The following FLI1 variants were observed in gnomAD, a reference collection of about 807,000 sequenced individuals.
FLI1 encodes the protein Fli-1 proto-oncogene, ETS transcription factor.
In FLI1, 13 loss-of-function variants were observed where a neutral mutation model predicts 53.1. That is an observed-to-expected ratio of 0.24 (90% CI 0.16 to 0.39). FLI1 has a LOEUF of 0.39. FLI1 is among the 10% of genes least tolerant of loss of function. FLI1 has a pLI of 1.00. For missense variants in FLI1, 424 were observed against 600.5 expected (o/e 0.71, Z 3.07); for synonymous variants, 244 against 236.7 (o/e 1.03, Z -0.28).
chr11:128,758,827 A>G (rs1473212754), intron 2 of FLI1, among the ~76,000 whole-genome samples: 3 of 152,150 alleles, frequency 2.0e-5, no homozygotes, highest in Non-Finnish European at 4.4e-5. Context: ...GGCACCTGGA[A>G]GGCGTGCATG....
At chr11:128,723,754 T>A (rs1939352498) in intron 1 of FLI1, among the ~76,000 whole-genome samples, 1 of 152,128 alleles carries the variant, frequency 6.6e-6, no homozygotes, top group Non-Finnish European at 1.5e-5. Context: ...CTGTCTTTGA[T>A]GAATTTAAGA....
intron 2 of FLI1, among the ~76,000 whole-genome samples, chr11:128,767,680 G>A (rs974596021): frequency 2.6e-5 from 4 of 152,202 alleles, no homozygotes; most frequent in African/African-American, 9.7e-5. Flanking sequence ...GCAGTCAGGG[G>A]GCGCAGGCCA....
intron 1 of FLI1, among the ~76,000 whole-genome samples, chr11:128,715,002 C>T (rs1319550524): frequency 2.0e-5 from 3 of 152,246 alleles, no homozygotes; most frequent in East Asian, 1.9e-4. Context: ...CTACCGCACC[C>T]GGCCCTTGAA....
chr11:128,766,448 T>C (rs1458189651), intron 2 of FLI1, among the ~76,000 whole-genome samples: 3 of 152,206 alleles, frequency 2.0e-5, no homozygotes, highest in Non-Finnish European at 4.4e-5. Context: ...TTTCAGCCCA[T>C]GTTTCCCTCT....
intron 5 of FLI1, among the ~76,000 whole-genome samples, chr11:128,795,427 C>T (rs1942404566): frequency 6.6e-6 from 1 of 151,956 alleles, no homozygotes; most frequent in Admixed American, 6.6e-5. Context: ...AATCCTGCTC[C>T]AATAAAGGAA....
intron 3 of FLI1, 39 bp downstream of exon 3, chr11:128,768,311 C>T: frequency 9.9e-6 from 15 of 1,520,230 alleles, no homozygotes; most frequent in Non-Finnish European, 1.3e-5. Context: ...CCATTCACTT[C>T]CCCACTCTCT....
intron 7 of FLI1, among the ~76,000 whole-genome samples, chr11:128,808,931 A>C (rs1277141344): frequency 6.6e-6 from 1 of 152,320 alleles, no homozygotes; most frequent in Non-Finnish European, 1.5e-5. Context: ...AATAAGAAAA[A>C]GTAATCCTGT....
At chr11:128,694,859 A>G (rs891735484) in intron 1 of FLI1, among the ~76,000 whole-genome samples, 3 of 152,044 alleles carry the variant, frequency 2.0e-5, no homozygotes, top group African/African-American at 7.2e-5. Flanking sequence ...TTTACATGTC[A>G]GCGCTTTCCC....
At chr11:128,788,252 C>A (rs571931318) in intron 5 of FLI1, among the ~76,000 whole-genome samples, 1 of 152,116 alleles carries the variant, frequency 6.6e-6, no homozygotes, top group East Asian at 1.9e-4. Context: ...GGCAGACCAC[C>A]TGAGGTCAGA....
chr11:128,754,235 ATGTGTGTGTGTGTGTGTGTGTGTG>A (rs57171401), intron 1 of FLI1, among the ~76,000 whole-genome samples: 2 of 145,682 alleles, frequency 1.4e-5, no homozygotes, highest in African/African-American at 5.2e-5. Context: ...TAGAAGGGGG[ATGTGTGTGTGTGTGTGTGTGTGTG>A]TGTGTGTGTG....
At chr11:128,748,300 AG>A in intron 1 of FLI1, 3 of 975,964 alleles carry the variant, frequency 3.1e-6, no homozygotes, top group Non-Finnish European at 3.7e-6. Flanking sequence ...TGTAAGTGAA[AG>A]GGGAAAGGCA....
intron 1 of FLI1, among the ~76,000 whole-genome samples, chr11:128,712,500 G>T (rs768437980): frequency 1.3e-5 from 2 of 152,196 alleles, no homozygotes; most frequent in African/African-American, 4.8e-5. Context: ...AGATATACCC[G>T]AGATGGGGCA....
intron 5 of FLI1, among the ~76,000 whole-genome samples, chr11:128,800,788 A>G (rs1397520172): frequency 1.3e-5 from 2 of 152,192 alleles, no homozygotes; most frequent in Non-Finnish European, 2.9e-5. Flanking sequence ...ATGGCTGGCA[A>G]TGTCTTCATT....
chr11:128,799,048 TA>T lies in FLI1; in HGVS notation c.656-6317del, dbSNP rs1309569703. 6.9e-3 allele frequency among the ~76,000 whole-genome samples: 972 copies of T among 141,776 alleles called. 32 individuals are homozygous for T. The highest frequency in any genetic ancestry group is 0.02 in the African/African-American group (784 of 39,166). 93.0% of individuals were successfully genotyped at this position (141,776 alleles called of 152,430 possible). A position where few individuals can be genotyped will look rare whatever the true frequency, so the allele number is the denominator to read the frequency against. On this transcript the variant is annotated intron_variant, in intron 5 of 8. Coordinates refer to ENST00000527786, the MANE Select transcript of FLI1 (RefSeq NM_002017.5). ...TTATTATTATTATTATTATTATTAT[TA>T]TTATTTTGCTTTGGAGACAGGATCT...
intron 1 of FLI1, among the ~76,000 whole-genome samples, chr11:128,700,509 A>G (rs1244434738): frequency 6.6e-6 from 1 of 152,222 alleles, no homozygotes; most frequent in Non-Finnish European, 1.5e-5. Context: ...AGGAAAGTGT[A>G]CAGGTGATGG....
rs765884690 is a variant in FLI1 at position 128,781,955 on chromosome 11, C to G, written c.590-3C>G. The G allele has an allele frequency of 6.2e-7, 1 of 1,613,056 alleles. No individual in the cohort carries two copies. The highest frequency in any genetic ancestry group is 8.5e-7 in the Non-Finnish European group (1 of 1,179,024). Reference sequence around the variant, plus strand: ...TATAACCTGTTTATGTTTTGCCTCTCAGGTTCACTGCTGGCCTATAATACA... The same window carrying G: ...TATAACCTGTTTATGTTTTGCCTCTGAGGTTCACTGCTGGCCTATAATACA... On this transcript the variant is annotated splice_region_variant and splice_polypyrimidine_tract_variant and intron_variant, in intron 4 of 8. Coordinates refer to ENST00000527786, the MANE Select transcript of FLI1 (RefSeq NM_002017.5).
At chr11:128,723,531 C>T (rs146096577) in intron 1 of FLI1, among the ~76,000 whole-genome samples, 1 of 152,124 alleles carries the variant, frequency 6.6e-6, no homozygotes, top group African/African-American at 2.4e-5. Flanking sequence ...TGCATTCCTG[C>T]TGCCATATAT....
upstream of FLI1, among the ~76,000 whole-genome samples, chr11:128,685,555 A>C (rs1182512333): frequency 2.2e-5 from 3 of 136,936 alleles, no homozygotes; most frequent in Non-Finnish European, 1.5e-5. Flanking sequence ...TTCGACTTTC[A>C]AAAAAAAAAA....
intron 5 of FLI1, among the ~76,000 whole-genome samples, chr11:128,786,954 G>A (rs930725760): frequency 5.9e-5 from 9 of 152,154 alleles, no homozygotes; most frequent in African/African-American, 7.2e-5. Flanking sequence ...CATTGAACAC[G>A]GAAACTGAAA....
Sources: gnomAD v4.1 joint callset for allele counts (sites outside exome capture counted in the v4.1 genomes callset) on GRCh38, gnomAD v4.1.1 for gene constraint, MANE v1.5 for transcripts, NCBI Gene and HGNC (gene_info 2026-07-23, HGNC 2026-07-21) for gene names.